The following TMEM178B variants were observed in gnomAD, a reference collection of about 807,000 sequenced individuals.
TMEM178B encodes transmembrane protein 178B.
TMEM178B carries 5 observed loss-of-function variants against 31.0 expected under a neutral mutation model. That is an observed-to-expected ratio of 0.16 (90% CI 0.08 to 0.34). The LOEUF (loss-of-function observed/expected upper bound fraction) is 0.34, where lower values mean the gene tolerates loss of function less well. TMEM178B is among the 10% of genes least tolerant of loss of function. TMEM178B has a pLI of 1.00. For missense variants in TMEM178B, 275 were observed against 400.3 expected, an observed-to-expected ratio of 0.69 and a Z score of 2.67; for synonymous variants, 164 against 164.0, an observed-to-expected ratio of 1.00 and a Z score of 0.00.
intron 2 of TMEM178B, among the ~76,000 whole-genome samples, chr7:141,434,016 A>C (rs1204588536): frequency 6.6e-6 from 1 of 152,196 alleles, no homozygotes; most frequent in Non-Finnish European, 1.5e-5. Flanking sequence ...GTGTTAGAGG[A>C]CAACAGCCCC....
chr7:141,492,369 T>C, the TMEM178B span, among the ~76,000 whole-genome samples: 2 of 152,230 alleles, frequency 1.3e-5, no homozygotes, highest in Admixed American at 6.5e-5. Context: ...AATGCACTTT[T>C]ATTCTAATTT....
chr7:141,221,825 C>A (rs1039379060), intron 2 of TMEM178B, among the ~76,000 whole-genome samples: 36 of 152,200 alleles, frequency 2.4e-4, no homozygotes, highest in Non-Finnish European at 2.9e-5. Context: ...TGATGAAAGT[C>A]CTACCAGCGT....
chr7:141,198,030 C>A (rs533305104), intron 1 of TMEM178B, among the ~76,000 whole-genome samples: 4 of 144,924 alleles, frequency 2.8e-5, no homozygotes, highest in Non-Finnish European at 6.1e-5. Context: ...CAGTTCCCCC[C>A]AGTTCTTCCC....
At chr7:141,118,825 G>C (rs903612918) in intron 1 of TMEM178B, among the ~76,000 whole-genome samples, 1 of 152,172 alleles carries the variant, frequency 6.6e-6, no homozygotes, top group Non-Finnish European at 1.5e-5. Context: ...GGAAACAACG[G>C]TGTAAGCAAA....
intron 2 of TMEM178B, among the ~76,000 whole-genome samples, chr7:141,307,721 A>G (rs1208999279): frequency 2.0e-5 from 3 of 152,332 alleles, no homozygotes; most frequent in South Asian, 2.1e-4. Context: ...CAATCTTTCA[A>G]TCTTTTCTTT....
At position 141,410,048 on chromosome 7, in the gene TMEM178B, A is replaced by G. The variant is rs957300755; in HGVS notation, c.497-27560A>G. On this transcript the variant is annotated intron_variant, in intron 2 of 3. Transcript: ENST00000565468. ...TGGGCCGCCTGTCTCCTCCACCTCCACCTGCCTTGCACATCCTTGCTCTGT... is the reference window on the plus strand; with the variant it reads ...TGGGCCGCCTGTCTCCTCCACCTCCGCCTGCCTTGCACATCCTTGCTCTGT... Among the ~76,000 whole-genome samples, 10 of 151,832 alleles carry G rather than the reference A, an allele frequency of 6.6e-5. 1 individual carries two copies. The South Asian group carries it at 1.7e-3, about 25-fold the overall frequency.
At chr7:141,102,381 G>A (rs1272469570) in intron 1 of TMEM178B, among the ~76,000 whole-genome samples, 1 of 152,102 alleles carries the variant, frequency 6.6e-6, no homozygotes, top group Non-Finnish European at 1.5e-5. Context: ...GACCCTATTT[G>A]CATTTATCAT....
intron 1 of TMEM178B, among the ~76,000 whole-genome samples, chr7:141,145,250 G>A: frequency 6.6e-6 from 1 of 152,114 alleles, no homozygotes; most frequent in Non-Finnish European, 1.5e-5. Flanking sequence ...AGGAGGGCTT[G>A]AAGAGGACTG....
intron 2 of TMEM178B, among the ~76,000 whole-genome samples, chr7:141,409,515 T>C (rs1800943114): frequency 6.6e-6 from 1 of 152,168 alleles, no homozygotes; most frequent in African/African-American, 2.4e-5. Context: ...ATAAGTAAAT[T>C]GCCACCAAGT....
intron 1 of TMEM178B, among the ~76,000 whole-genome samples, chr7:141,148,577 T>A (rs1795898276): frequency 6.6e-6 from 1 of 152,202 alleles, no homozygotes; most frequent in Admixed American, 6.5e-5. Context: ...ATGCGATAGG[T>A]TCTGCAGGAC....
the TMEM178B span, among the ~76,000 whole-genome samples, chr7:141,499,998 T>C: frequency 6.6e-6 from 1 of 152,218 alleles, no homozygotes. Context: ...TTTCTCCCTG[T>C]ATCTCGTGCT....
intron 2 of TMEM178B, among the ~76,000 whole-genome samples, chr7:141,233,721 G>A (rs1419567521): frequency 6.6e-6 from 1 of 152,150 alleles, no homozygotes; most frequent in Non-Finnish European, 1.5e-5. Context: ...AAGGTTGAGA[G>A]CCCTATTCAT....
chr7:141,372,490 G>A (rs1025260148), intron 2 of TMEM178B, among the ~76,000 whole-genome samples: 13 of 152,084 alleles, frequency 8.5e-5, no homozygotes, highest in African/African-American at 2.9e-4. Context: ...TGCCTTCCAT[G>A]CAGCAGTTAC....
intron 2 of TMEM178B, among the ~76,000 whole-genome samples, chr7:141,382,057 G>C (rs903140363): frequency 2.0e-5 from 3 of 152,128 alleles, no homozygotes; most frequent in Admixed American, 1.3e-4. Flanking sequence ...CCCATTCAAC[G>C]AAGTATGATC....
At chr7:141,482,915 C>T (rs901188816), downstream of TMEM178B, among the ~76,000 whole-genome samples, 2 of 5,692 alleles carry the variant, frequency 3.5e-4, no homozygotes, top group African/African-American at 5.9e-4. Context: ...TGTGTGTTTG[C>T]GGGGGGCGGT....
chr7:141,424,757 G>A (rs765871450), intron 2 of TMEM178B, among the ~76,000 whole-genome samples: 10 of 152,248 alleles, frequency 6.6e-5, no homozygotes, highest in African/African-American at 2.2e-4. Flanking sequence ...AGATACACCC[G>A]CAGTACTCAG....
At chr7:141,463,939 G>T (rs917369645) in intron 3 of TMEM178B, among the ~76,000 whole-genome samples, 1 of 152,212 alleles carries the variant, frequency 6.6e-6, no homozygotes, top group Non-Finnish European at 1.5e-5. Flanking sequence ...GTTTTAAGCA[G>T]CAGAGAATCA....
At chr7:141,140,591 C>T (rs1056484219) in intron 1 of TMEM178B, among the ~76,000 whole-genome samples, 9 of 152,066 alleles carry the variant, frequency 5.9e-5, no homozygotes, top group Non-Finnish European at 8.8e-5. Context: ...TAGTTTTTAC[C>T]AGATGTCCTT....
chr7:141,136,559 A>G (rs1795678199), intron 1 of TMEM178B, among the ~76,000 whole-genome samples: 1 of 152,216 alleles, frequency 6.6e-6, no homozygotes, highest in Non-Finnish European at 1.5e-5. Context: ...TTCTGCATGG[A>G]AAAGGAAACA....
Sources: gnomAD v4.1 joint callset for allele counts (sites outside exome capture counted in the v4.1 genomes callset) on GRCh38, gnomAD v4.1.1 for gene constraint, MANE v1.5 for transcripts, NCBI Gene and HGNC (gene_info 2026-07-23, HGNC 2026-07-21) for gene names.